Variants in NALF1 observed in about 807,000 individuals in gnomAD.
The protein encoded by NALF1 is family with sequence similarity 155 member A.
In NALF1, 3 loss-of-function variants were observed where a neutral mutation model predicts 48.4. The ratio of observed to expected loss-of-function variants is 0.06; its 90% CI spans 0.03 to 0.16. NALF1 has a LOEUF of 0.16. Among genes scored for constraint, NALF1 ranks in the 10% least tolerant of loss-of-function variants. NALF1 has a pLI of 1.00. For synonymous variants in NALF1, 262 were observed against 245.7 expected, an observed-to-expected ratio of 1.07 and a Z score of -0.62; for missense variants, 526 against 571.5, an observed-to-expected ratio of 0.92 and a Z score of 0.81.
chr13:107,238,413 G>A (rs1880397327), intron 1 of NALF1, among the ~76,000 whole-genome samples: 1 of 152,134 alleles, frequency 6.6e-6, no homozygotes, highest in Non-Finnish European at 1.5e-5. Flanking sequence ...GTATTAGTCA[G>A]GCAAGGAGTC....
intron 1 of NALF1, among the ~76,000 whole-genome samples, chr13:107,423,226 A>C (rs761976608): frequency 1.3e-5 from 2 of 152,182 alleles, no homozygotes; most frequent in Non-Finnish European, 2.9e-5. Flanking sequence ...TTTACTGTTG[A>C]CTTAATGAAG....
intron 1 of NALF1, among the ~76,000 whole-genome samples, chr13:107,663,269 A>C (rs991546534): frequency 1.3e-5 from 2 of 152,238 alleles, no homozygotes; most frequent in Admixed American, 6.5e-5. Flanking sequence ...AAATTCATTC[A>C]TCAGTTCCTT....
intron 1 of NALF1, among the ~76,000 whole-genome samples, chr13:107,262,464 G>T (rs372522732): frequency 6.6e-6 from 1 of 152,054 alleles, no homozygotes; most frequent in African/African-American, 2.4e-5. Context: ...TCTTTTGGAC[G>T]ATGTTGGACG....
chr13:107,658,672 T>C (rs564816945), intron 1 of NALF1, among the ~76,000 whole-genome samples: 1 of 152,244 alleles, frequency 6.6e-6, no homozygotes, highest in Admixed American at 6.5e-5. Context: ...CTTGTAGCTT[T>C]GTATTGCTCT....
chr13:107,577,845 T>C (rs1333401286), intron 1 of NALF1, among the ~76,000 whole-genome samples: 1 of 152,156 alleles, frequency 6.6e-6, no homozygotes, highest in African/African-American at 2.4e-5. Flanking sequence ...TGGTTCTTCC[T>C]CTTCCTTCAT....
chr13:107,206,963 T>G (rs1322345164), intron 2 of NALF1, among the ~76,000 whole-genome samples: 2 of 152,236 alleles, frequency 1.3e-5, no homozygotes, highest in Non-Finnish European at 2.9e-5. Context: ...TAATTAAATC[T>G]GTTGAATTTG....
intron 1 of NALF1, among the ~76,000 whole-genome samples, chr13:107,418,377 G>A (rs1281227887): frequency 6.6e-6 from 1 of 152,108 alleles, no homozygotes; most frequent in African/African-American, 2.4e-5. Flanking sequence ...CCCAATATGA[G>A]GCTGTAAAAC....
At chr13:107,767,792 T>C (rs1177131915) in intron 1 of NALF1, among the ~76,000 whole-genome samples, 1 of 152,208 alleles carries the variant, frequency 6.6e-6, no homozygotes, top group Non-Finnish European at 1.5e-5. Flanking sequence ...TTTTTCTCTA[T>C]TTATATATGA....
At chr13:107,844,998 A>T (rs534873103) in intron 1 of NALF1, among the ~76,000 whole-genome samples, 86 of 152,340 alleles carry the variant, frequency 5.6e-4, no homozygotes, top group Non-Finnish European at 1.0e-3. Flanking sequence ...GCAAGAATAA[A>T]TAAGATTTAG....
chr13:107,341,956 C>T (rs1439316674), intron 1 of NALF1, among the ~76,000 whole-genome samples: 1 of 151,834 alleles, frequency 6.6e-6, no homozygotes, highest in East Asian at 1.9e-4. Flanking sequence ...AGAGTAAATT[C>T]TCAGTAGGTG....
At chr13:107,559,164 A>G (rs914711449) in intron 1 of NALF1, among the ~76,000 whole-genome samples, 1 of 152,170 alleles carries the variant, frequency 6.6e-6, no homozygotes, top group African/African-American at 2.4e-5. Context: ...GGCAGCAGAG[A>G]GGAGACGCCA....
chr13:107,217,637 C>T (rs1015482835), intron 1 of NALF1, among the ~76,000 whole-genome samples: 4 of 152,110 alleles, frequency 2.6e-5, no homozygotes, highest in Non-Finnish European at 4.4e-5. Context: ...CTCTTCTTTT[C>T]GGAGGGAAGC....
chr13:107,350,613 A>T (rs1487880956), intron 1 of NALF1, among the ~76,000 whole-genome samples: 1 of 152,256 alleles, frequency 6.6e-6, no homozygotes, highest in East Asian at 1.9e-4. Context: ...TAATGCATAT[A>T]TTAGATGATT....
rs868087585 is a variant in NALF1 at position 107,531,218 on chromosome 13, G to A, written c.916-320463C>T. ...AAATGTAATCCCCAATGCTGGAGGTGGGGATTACACTTCAACAGGAGATTT... is the reference window on the plus strand; with the variant it reads ...AAATGTAATCCCCAATGCTGGAGGTAGGGATTACACTTCAACAGGAGATTT... On this transcript the variant is annotated intron_variant, in intron 1 of 2. Coordinates refer to ENST00000375915, the MANE Select transcript of NALF1 (RefSeq NM_001080396.3). 6.5e-5 allele frequency: 11 copies of A among 169,266 alleles called. No individual in the cohort carries two copies. The Middle Eastern group carries it at 1.8e-3, about 28-fold the overall frequency. The allele number at this position is 169,266 out of a possible 1,614,324, so 10.5% of individuals were successfully genotyped here.
intron 1 of NALF1, among the ~76,000 whole-genome samples, chr13:107,430,120 T>C (rs1386934571): frequency 6.6e-6 from 1 of 152,200 alleles, no homozygotes; most frequent in African/African-American, 2.4e-5. Context: ...AGAAAGATTC[T>C]AGAACTTATT....
intron 1 of NALF1, among the ~76,000 whole-genome samples, chr13:107,571,630 T>C (rs968849904): frequency 1.3e-5 from 2 of 152,192 alleles, no homozygotes; most frequent in African/African-American, 4.8e-5. Context: ...TAGCAATTTA[T>C]TGAACTGAAG....
chr13:107,786,422 A>AAAAG (rs1878074008), intron 1 of NALF1, among the ~76,000 whole-genome samples: 1 of 145,204 alleles, frequency 6.9e-6, no homozygotes, highest in African/African-American at 2.5e-5. Context: ...TTCTCAAAAA[A>AAAAG]AAAAAAAAAA....
chr13:107,668,894 T>C (rs532000101), intron 1 of NALF1, among the ~76,000 whole-genome samples: 1 of 152,198 alleles, frequency 6.6e-6, no homozygotes, highest in South Asian at 2.1e-4. Flanking sequence ...AGACAGCCCA[T>C]AAATATTGTA....
chr13:107,423,246 T>A (rs1036153265), intron 1 of NALF1, among the ~76,000 whole-genome samples: 4 of 152,166 alleles, frequency 2.6e-5, no homozygotes, highest in African/African-American at 9.7e-5. Flanking sequence ...GGAAACTCAA[T>A]TGAAAATTAG....
Sources: allele counts gnomAD v4.1 joint callset (sites outside exome capture counted in the v4.1 genomes callset), GRCh38; gene constraint gnomAD v4.1.1; transcripts MANE v1.5; gene names NCBI Gene and HGNC (gene_info 2026-07-23, HGNC 2026-07-21).